The following KLHL13 variants were observed in gnomAD, a reference collection of about 807,000 sequenced individuals.
KLHL13 encodes kelch like family member 13, also known as kelch-like protein 13.
A neutral mutation model predicts 37.1 loss-of-function variants in KLHL13; 10 were observed. That is an observed-to-expected ratio of 0.27 (90% CI 0.17 to 0.46). The LOEUF is 0.46. KLHL13 is among the 20% of genes least tolerant of loss of function. The pLI is 1.00. For synonymous variants in KLHL13, 163 were observed against 181.2 expected, an observed-to-expected ratio of 0.90 and a Z score of 0.81; for missense variants, 360 against 509.3, an observed-to-expected ratio of 0.71 and a Z score of 2.82.
intron 1 of KLHL13, among the ~76,000 whole-genome samples, chrX:118,057,571 A>G (rs1569305205): frequency 8.9e-6 from 1 of 112,095 alleles, no homozygotes; most frequent in Admixed American, 9.4e-5. Flanking sequence ...TTGTACTCCC[A>G]GCACTTTGGG....
At chrX:117,908,211 T>C (rs1412640845) in intron 5 of KLHL13, among the ~76,000 whole-genome samples, 1 of 108,748 alleles carries the variant, frequency 9.2e-6, no homozygotes, top group East Asian at 2.8e-4. Flanking sequence ...TTTCTGTCTT[T>C]CTGTCTTTTT....
chrX:117,956,981 C>T (rs746485802), intron 1 of KLHL13, among the ~76,000 whole-genome samples: 78 of 111,968 alleles, frequency 7.0e-4, no homozygotes, highest in African/African-American at 2.3e-3. Context: ...CAGAAATCTC[C>T]GATGTATCCT....
rs778883697 is a variant in KLHL13, at chrX:117,914,336, C to T, written c.571-4240G>A. 4 of 109,796 alleles carry T rather than the reference C, an allele frequency of 3.6e-5. No homozygotes were observed. In the Admixed American group the frequency reaches 3.9e-4, roughly 11 times the overall value. 9.0% of individuals were successfully genotyped at this position (109,796 alleles called of 1,213,427 possible). A position where few individuals can be genotyped will look rare whatever the true frequency, so the allele number is the denominator to read the frequency against. On this transcript the variant is annotated intron_variant, in intron 4 of 6. Coordinates refer to ENST00000262820, the Ensembl canonical transcript of KLHL13. Reference sequence around the variant, plus strand: ...AATTAGTTGTAAACACCACTGCACTCGGACCAGCCAGTATCTGCTTTTGTA... The same window carrying T: ...AATTAGTTGTAAACACCACTGCACTTGGACCAGCCAGTATCTGCTTTTGTA...
intron 1 of KLHL13, among the ~76,000 whole-genome samples, chrX:118,031,506 TATACACAC>T (rs1218326952): frequency 4.1e-4 from 34 of 82,865 alleles, no homozygotes; most frequent in African/African-American, 7.6e-4. Context: ...GATATATATA[TATACACAC>T]ACATATATAT....
chrX:118,102,930 C>T (rs1383621792), intron 1 of KLHL13, among the ~76,000 whole-genome samples: 1 of 111,899 alleles, frequency 8.9e-6, no homozygotes, highest in Non-Finnish European at 1.9e-5. Context: ...ATTCACATTA[C>T]TCAAAATCCT....
chrX:117,973,123 T>C, exon 1 of KLHL13: 1 of 975,345 alleles, frequency 1.0e-6, no homozygotes, highest in Non-Finnish European at 1.3e-6. Context: ...GTGCATACCA[T>C]ACAATGCAGC....
intron 1 of KLHL13, among the ~76,000 whole-genome samples, chrX:118,026,888 A>T (rs1569295820): frequency 1.8e-5 from 2 of 111,903 alleles, no homozygotes; most frequent in Non-Finnish European, 3.8e-5. Context: ...TCAATGGAAA[A>T]TTTTAAACAA....
At chrX:118,014,582 A>G (rs182963092) in intron 1 of KLHL13, among the ~76,000 whole-genome samples, 3 of 111,806 alleles carry the variant, frequency 2.7e-5, no homozygotes, top group Admixed American at 1.9e-4. Flanking sequence ...CTCCCTTTTC[A>G]TACACCCCCT....
chrX:118,053,511 G>C (rs2054640768), intron 1 of KLHL13, among the ~76,000 whole-genome samples: 1 of 109,941 alleles, frequency 9.1e-6, no homozygotes, highest in African/African-American at 3.3e-5. Context: ...GAGGTGGGAG[G>C]GATAGCATTA....
intron 1 of KLHL13, among the ~76,000 whole-genome samples, chrX:117,999,843 T>C (rs947359173): frequency 4.5e-5 from 5 of 111,584 alleles, no homozygotes; most frequent in African/African-American, 1.6e-4. Context: ...AATACTGTTT[T>C]TAAGCAAGAG....
chrX:117,909,535 G>C (rs1382020979), exon 5 of KLHL13: 1 of 1,210,747 alleles, frequency 8.3e-7, no homozygotes, highest in Admixed American at 2.2e-5. Flanking sequence ...TGGTACCTTG[G>C]GGCATCCATG....
intron 1 of KLHL13, among the ~76,000 whole-genome samples, chrX:118,040,677 A>G (rs1243543973): frequency 1.8e-5 from 2 of 112,007 alleles, no homozygotes; most frequent in East Asian, 5.6e-4. Flanking sequence ...TCCCAAACCT[A>G]GAGAAAGATA....
chrX:118,011,217 A>G (rs72607605), intron 1 of KLHL13, among the ~76,000 whole-genome samples: 17,529 of 108,959 alleles, frequency 0.16, 1,363 homozygotes, highest in East Asian at 0.32. Context: ...TATGAGAGAA[A>G]GCATTCCAGA....
chrX:118,062,625 T>C (rs1884660010), intron 1 of KLHL13, among the ~76,000 whole-genome samples: 3 of 110,984 alleles, frequency 2.7e-5, no homozygotes, highest in African/African-American at 9.8e-5. Flanking sequence ...AGTCATATCC[T>C]GAAATACGTA....
At chrX:117,898,701 A>G in exon 7 of KLHL13, 1 of 392,646 alleles carries the variant, frequency 2.5e-6, no homozygotes, top group Non-Finnish European at 4.3e-6. Flanking sequence ...TCTATGGGAT[A>G]CATTTCCAGA....
chrX:117,985,385 G>C (rs770043777), intron 1 of KLHL13: 2 of 1,000,703 alleles, frequency 2.0e-6, no homozygotes, highest in Non-Finnish European at 2.5e-6. Flanking sequence ...GCACCCCAGT[G>C]CATCTGCCTG....
upstream of KLHL13, chrX:117,973,934 C>T (rs2053566055): frequency 8.8e-6 from 1 of 113,843 alleles, no homozygotes; most frequent in South Asian, 4.1e-4. Flanking sequence ...AGCTCAACAG[C>T]GGGTCCGGTA....
chrX:117,917,227 C>T (rs1378994005), intron 4 of KLHL13, among the ~76,000 whole-genome samples: 2 of 111,151 alleles, frequency 1.8e-5, no homozygotes, highest in Non-Finnish European at 3.8e-5. Flanking sequence ...CAGACATATC[C>T]TCTGCAAAAA....
chrX:117,968,590 AAATT>A (rs2053474951), intron 1 of KLHL13, among the ~76,000 whole-genome samples: 1 of 111,942 alleles, frequency 8.9e-6, no homozygotes, highest in Non-Finnish European at 1.9e-5. Context: ...AATAAAAACA[AAATT>A]AAGTAGACAC....
Sources: gnomAD v4.1 joint callset for allele counts (sites outside exome capture counted in the v4.1 genomes callset) on GRCh38, gnomAD v4.1.1 for gene constraint, MANE v1.5 for transcripts, NCBI Gene and HGNC (gene_info 2026-07-23, HGNC 2026-07-21) for gene names.